GSG1L: variants seen among roughly 807,000 people sequenced by gnomAD.
The protein encoded by GSG1L is GSG1 like, also known as germ cell-specific gene 1-like protein.
GSG1L carries 24 observed loss-of-function variants against 42.1 expected under a neutral mutation model. The observed-to-expected ratio is 0.57, with a 90% CI of 0.41 to 0.80. GSG1L has a LOEUF of 0.80. Ranked by LOEUF, GSG1L falls within the 30% of genes least tolerant of loss-of-function variation. The pLI is 0.00. For synonymous variants in GSG1L, 215 were observed against 203.5 expected, an observed-to-expected ratio of 1.06 and a Z score of -0.48; for missense variants, 445 against 472.2, an observed-to-expected ratio of 0.94 and a Z score of 0.53.
intron 3 of GSG1L, among the ~76,000 whole-genome samples, chr16:27,861,237 C>T (rs944078142): frequency 1.1e-4 from 17 of 152,014 alleles, no homozygotes; most frequent in Admixed American, 3.3e-4. Context: ...ATTAGCCAGG[C>T]GTGGTGGTGT....
intron 2 of GSG1L, among the ~76,000 whole-genome samples, chr16:27,886,490 T>C (rs1429310176): frequency 6.6e-6 from 1 of 152,164 alleles, no homozygotes; most frequent in Non-Finnish European, 1.5e-5. Flanking sequence ...TGCAGTGTTG[T>C]GGTGATGTGA....
chr16:28,010,143 G>A (rs1345186136), intron 1 of GSG1L, among the ~76,000 whole-genome samples: 1 of 152,186 alleles, frequency 6.6e-6, no homozygotes, highest in African/African-American at 2.4e-5. Flanking sequence ...AGAGGGGCCA[G>A]GAGGATGCCA....
intron 1 of GSG1L, among the ~76,000 whole-genome samples, chr16:27,975,382 A>G (rs1304674247): frequency 6.6e-6 from 1 of 151,836 alleles, no homozygotes; most frequent in Admixed American, 6.6e-5. Context: ...ACACCGCCCT[A>G]CTTAAGGTGG....
At chr16:27,908,830 T>G (rs1475633471) in intron 2 of GSG1L, among the ~76,000 whole-genome samples, 1 of 152,216 alleles carries the variant, frequency 6.6e-6, no homozygotes, top group African/African-American at 2.4e-5. Flanking sequence ...CACAGTGTTT[T>G]GCTTGGCCAA....
At chr16:27,858,782 C>T (rs1234069325) in intron 3 of GSG1L, among the ~76,000 whole-genome samples, 1 of 152,198 alleles carries the variant, frequency 6.6e-6, no homozygotes, top group African/African-American at 2.4e-5. Flanking sequence ...AGTGAGACCC[C>T]ATCTCTACAA....
chr16:27,924,233 A>G (rs1428820836), intron 2 of GSG1L, among the ~76,000 whole-genome samples: 2 of 151,702 alleles, frequency 1.3e-5, no homozygotes, highest in African/African-American at 4.8e-5. Flanking sequence ...ATTTAGATAT[A>G]CTGTAATACC....
At chr16:27,903,393 G>A (rs1401889796) in intron 2 of GSG1L, among the ~76,000 whole-genome samples, 2 of 152,176 alleles carry the variant, frequency 1.3e-5, no homozygotes, top group Admixed American at 6.5e-5. Flanking sequence ...CTGGAAGCAG[G>A]GGCAACTGTC....
chr16:27,982,421 A>T (rs1235250744), intron 1 of GSG1L, among the ~76,000 whole-genome samples: 2 of 152,138 alleles, frequency 1.3e-5, no homozygotes, highest in African/African-American at 4.8e-5. Context: ...GTTCCTGCCA[A>T]TATGATGTGT....
At chr16:28,029,238 T>A (rs2085930208) in intron 1 of GSG1L, among the ~76,000 whole-genome samples, 1 of 152,168 alleles carries the variant, frequency 6.6e-6, no homozygotes, top group Non-Finnish European at 1.5e-5. Context: ...TGTAAAGAAC[T>A]GAATGAATGT....
At chr16:27,995,516 C>A (rs763705562) in intron 1 of GSG1L, among the ~76,000 whole-genome samples, 1 of 152,132 alleles carries the variant, frequency 6.6e-6, no homozygotes, top group Non-Finnish European at 1.5e-5. Context: ...GTGGTCACCA[C>A]GTATTTCTTA....
chr16:27,889,277 G>A (rs2084095078), intron 2 of GSG1L, among the ~76,000 whole-genome samples: 1 of 152,086 alleles, frequency 6.6e-6, no homozygotes, highest in Admixed American at 6.6e-5. Flanking sequence ...GGTGTGCCCA[G>A]CCGAGTTGTG....
chr16:27,973,439 C>CAAAAAAAAAAAAAAA (rs71140935), intron 1 of GSG1L, among the ~76,000 whole-genome samples: 9 of 29,848 alleles, frequency 3.0e-4, no homozygotes, highest in Admixed American at 6.0e-4. Context: ...GACCCCATCA[C>CAAAAAAAAAAAAAAA]AAAAAAAAAA....
At chr16:27,812,593 G>A (rs902505565) in intron 5 of GSG1L, among the ~76,000 whole-genome samples, 3 of 152,088 alleles carry the variant, frequency 2.0e-5, no homozygotes, top group African/African-American at 4.8e-5. Context: ...GCACAGTGAA[G>A]CCACCACGGG....
intron 3 of GSG1L, among the ~76,000 whole-genome samples, chr16:27,857,118 T>A (rs1043949084): frequency 1.6e-4 from 24 of 152,140 alleles, no homozygotes; most frequent in African/African-American, 5.1e-4. Flanking sequence ...TGAGGCAAGA[T>A]GCTTGCATGA....
intron 1 of GSG1L, among the ~76,000 whole-genome samples, chr16:27,991,969 C>T (rs1359205114): frequency 6.6e-6 from 1 of 152,074 alleles, no homozygotes; most frequent in Non-Finnish European, 1.5e-5. Flanking sequence ...GGCAGGTTTC[C>T]AGGGGTGGAG....
chr16:28,010,160 C>A (rs1165027353), intron 1 of GSG1L, among the ~76,000 whole-genome samples: 1 of 152,162 alleles, frequency 6.6e-6, no homozygotes. Flanking sequence ...GCCAGATGCA[C>A]CGTGTCACCT....
intron 4 of GSG1L, among the ~76,000 whole-genome samples, chr16:27,840,643 G>A (rs112453752): frequency 1.9e-3 from 296 of 152,238 alleles, no homozygotes; most frequent in Middle Eastern, 6.8e-3. Flanking sequence ...CACACCTCCC[G>A]CGGTTCATGC....
At chr16:27,971,095 C>T (rs2085188411) in intron 1 of GSG1L, among the ~76,000 whole-genome samples, 1 of 152,052 alleles carries the variant, frequency 6.6e-6, no homozygotes, top group Non-Finnish European at 1.5e-5. Flanking sequence ...CAACTTTGGC[C>T]TTCATTTTAA....
At chr16:27,927,750 G>A (rs1234964397) in intron 2 of GSG1L, among the ~76,000 whole-genome samples, 1 of 152,130 alleles carries the variant, frequency 6.6e-6, no homozygotes, top group Non-Finnish European at 1.5e-5. Context: ...GCCACACACA[G>A]GTATCACTCA....
Sources: allele counts gnomAD v4.1 joint callset (sites outside exome capture counted in the v4.1 genomes callset), GRCh38; gene constraint gnomAD v4.1.1; transcripts MANE v1.5; gene names NCBI Gene and HGNC (gene_info 2026-07-23, HGNC 2026-07-21).